Variants in IL1RL2 observed in about 807,000 individuals in gnomAD.
IL1RL2 encodes the protein interleukin-1 receptor-like 2.
Under a neutral mutation model 66.8 loss-of-function variants are expected in IL1RL2, and 68 were observed. That is an observed-to-expected ratio of 1.02 (90% CI 0.84 to 1.25). The LOEUF is 1.25. Ranked by LOEUF, IL1RL2 falls within the 50% of genes most tolerant of loss-of-function variation. The probability of loss-of-function intolerance (pLI) is 0.00; values close to 1 mark genes in which losing one functional copy is unlikely to be tolerated. For synonymous variants in IL1RL2, 305 were observed against 264.6 expected (o/e 1.15, Z -1.48); for missense variants, 729 against 709.3 (o/e 1.03, Z -0.32).
rs1332954910 is a variant in IL1RL2 at position 102,189,197 on chromosome 2, T to A, written c.180T>A (p.Ser60=). ...TCAGTGTAACATGGTATAAAAATTC[T>A]AGCAAAATCCCAGTGTCCAAAATCA... ...GEVSVTWYKN[S]SKIPVSKIIQ... Residue 60 remains serine (S), a synonymous_variant, in exon 3 of 12, where the codon TCT becomes TCA. Coordinates refer to ENST00000264257, the MANE Select transcript of IL1RL2 (RefSeq NM_003854.4). 1 of 1,614,148 alleles carries A rather than the reference T, an allele frequency of 6.2e-7. No individual in the cohort carries two copies. Among genetic ancestry groups the A allele is most frequent in the Non-Finnish European group, 8.5e-7 (1 of 1,179,976 alleles).
At chr2:102,205,015 C>G (rs938918940) in intron 5 of IL1RL2, among the ~76,000 whole-genome samples, 1 of 151,656 alleles carries the variant, frequency 6.6e-6, no homozygotes, top group Non-Finnish European at 1.5e-5. Context: ...TTTTGTGACT[C>G]TATTGCATTT....
chr2:102,216,394 A>G (rs992967179), intron 6 of IL1RL2, among the ~76,000 whole-genome samples: 1 of 152,026 alleles, frequency 6.6e-6, no homozygotes, highest in Non-Finnish European at 1.5e-5. Context: ...TTCCATTTGC[A>G]TGGAATATCT....
intron 5 of IL1RL2, among the ~76,000 whole-genome samples, chr2:102,210,732 C>T (rs913219551): frequency 2.0e-5 from 3 of 152,108 alleles, no homozygotes; most frequent in Admixed American, 6.5e-5. Flanking sequence ...GGAGGAAAAC[C>T]AGATTTAGGA....
In IL1RL2 at chr2:102,219,051, G is replaced by C. The variant is rs776147975; in HGVS notation, c.823G>C (p.Asp275His). Residue 275 changes from aspartate (D) to histidine (H), a missense_variant, in exon 7 of 12, where the codon GAT becomes CAT. Coordinates refer to ENST00000264257, the MANE Select transcript of IL1RL2 (RefSeq NM_003854.4). ...TAACACTTTGGTGGATGATTACTAT[G>C]ATGAATCCAAACGAATCAGAGAAGG... is the stretch of plus-strand genomic sequence containing the variant. ...VNNTLVDDYY[D>H]ESKRIREGVE... is the part of the protein sequence containing the mutation. The C allele has an allele frequency of 6.2e-7, 1 of 1,613,944 alleles. No homozygotes were observed. Among genetic ancestry groups the C allele is most frequent in the Non-Finnish European group, 8.5e-7 (1 of 1,179,842 alleles).
chr2:102,195,183 G>A (rs1204815038), intron 4 of IL1RL2, among the ~76,000 whole-genome samples: 1 of 152,148 alleles, frequency 6.6e-6, no homozygotes, highest in East Asian at 1.9e-4. Context: ...TTGTTACAAT[G>A]TGTCCTTCTA....
intron 11 of IL1RL2, among the ~76,000 whole-genome samples, chr2:102,237,230 T>G (rs1578210863): frequency 6.6e-6 from 1 of 152,150 alleles, no homozygotes; most frequent in African/African-American, 2.4e-5. Flanking sequence ...TGAGATGCCC[T>G]CAAATCTGAA....
intron 11 of IL1RL2, among the ~76,000 whole-genome samples, chr2:102,236,388 C>T (rs550152007): frequency 6.6e-6 from 1 of 152,044 alleles, no homozygotes; most frequent in African/African-American, 2.4e-5. Context: ...GTGCTGTGCC[C>T]TCGTTCACAG....
chr2:102,219,782 G>A (rs1216083213), intron 7 of IL1RL2, 99 bp from the exon 8 acceptor site: 7 of 1,177,346 alleles, frequency 5.9e-6, no homozygotes, highest in Middle Eastern at 2.7e-4. Flanking sequence ...ATGGCCCAAA[G>A]TGTTCTCAAA....
intron 2 of IL1RL2, 29 bp from the exon 3 acceptor site, chr2:102,189,047 A>ATTGTT (rs1686985257): frequency 6.5e-6 from 10 of 1,533,834 alleles, no homozygotes; most frequent in Admixed American, 1.7e-5. Context: ...TTCATGGATA[A>ATTGTT]TTGTTTTGTT....
At chr2:102,211,274 G>A (rs1045578986) in intron 5 of IL1RL2, among the ~76,000 whole-genome samples, 3 of 152,208 alleles carry the variant, frequency 2.0e-5, no homozygotes, top group Non-Finnish European at 4.4e-5. Flanking sequence ...CTAAGTAGGT[G>A]ATCGCTAAAT....
At chr2:102,217,440 C>G (rs952811072) in intron 6 of IL1RL2, among the ~76,000 whole-genome samples, 1 of 152,030 alleles carries the variant, frequency 6.6e-6, no homozygotes, top group African/African-American at 2.4e-5. Context: ...CCATAAAACA[C>G]CCTGAATAGC....
At chr2:102,235,999 A>G in intron 11 of IL1RL2, 1 of 944,124 alleles carries the variant, frequency 1.1e-6, no homozygotes, top group Middle Eastern at 5.5e-4. Context: ...CATGTCAACC[A>G]GAATTCTGAG....
chr2:102,213,710 TA>T (rs1689374989), intron 6 of IL1RL2, among the ~76,000 whole-genome samples: 1 of 152,106 alleles, frequency 6.6e-6, no homozygotes, highest in Non-Finnish European at 1.5e-5. Flanking sequence ...TTATTATTAG[TA>T]AGTGTGGAAA....
At position 102,239,954 on chromosome 2, in the gene IL1RL2, AT is replaced by A. The variant is rs1308669325; in HGVS notation, c.*714del. ...AACAATTAAACTGTAAATGTTAAAAATATCAGTAATTTGTGAAATAAATTTT... is the reference window on the plus strand; with the variant it reads ...AACAATTAAACTGTAAATGTTAAAAAATCAGTAATTTGTGAAATAAATTTT... On this transcript the variant is annotated 3_prime_UTR_variant, in exon 12 of 12. Coordinates refer to ENST00000264257, the MANE Select transcript of IL1RL2 (RefSeq NM_003854.4). 6.6e-6 allele frequency: 1 copy of A among 152,288 alleles called. No individual in the cohort carries two copies. The allele number at this position is 152,288 out of a possible 1,614,324, so 9.4% of individuals were successfully genotyped here. A position where few individuals can be genotyped will look rare whatever the true frequency, so the allele number is the denominator to read the frequency against.
chr2:102,230,432 A>G (rs189952665), intron 9 of IL1RL2, among the ~76,000 whole-genome samples: 68 of 152,326 alleles, frequency 4.5e-4, no homozygotes, highest in Middle Eastern at 6.8e-3. Flanking sequence ...GACACAAATT[A>G]GTTATCCCTT....
At chr2:102,238,107 T>C (rs1675030059) in intron 11 of IL1RL2, among the ~76,000 whole-genome samples, 1 of 152,156 alleles carries the variant, frequency 6.6e-6, no homozygotes, top group African/African-American at 2.4e-5. Flanking sequence ...AGACCCTGGC[T>C]TGAGGGAATT....
intron 4 of IL1RL2, among the ~76,000 whole-genome samples, chr2:102,199,262 G>A (rs886795920): frequency 1.3e-5 from 2 of 152,172 alleles, no homozygotes; most frequent in South Asian, 4.1e-4. Flanking sequence ...AGCAACTAAA[G>A]GATCTTTCTC....
At chr2:102,226,072 C>A in intron 9 of IL1RL2, 31 bp downstream of exon 9, 1 of 1,529,924 alleles carries the variant, frequency 6.5e-7, no homozygotes, top group South Asian at 1.3e-5. Flanking sequence ...AAAAATGCCT[C>A]AAAATTGGTA....
intron 11 of IL1RL2, among the ~76,000 whole-genome samples, chr2:102,237,651 G>T (rs1355885704): frequency 4.6e-5 from 7 of 152,206 alleles, no homozygotes; most frequent in Non-Finnish European, 8.8e-5. Context: ...GAGATGCAAA[G>T]AAACTTTTTA....
Sources: gnomAD v4.1 joint callset for allele counts (sites outside exome capture counted in the v4.1 genomes callset) on GRCh38, gnomAD v4.1.1 for gene constraint, MANE v1.5 for transcripts, NCBI Gene and HGNC (gene_info 2026-07-23, HGNC 2026-07-21) for gene names.